Variants in HECW2 observed in about 807,000 individuals in gnomAD.
HECW2 encodes E3 ubiquitin-protein ligase HECW2.
Under a neutral mutation model 175.2 loss-of-function variants are expected in HECW2, and 61 were observed. The observed-to-expected ratio is 0.35, with a 90% CI of 0.28 to 0.43. The LOEUF (loss-of-function observed/expected upper bound fraction) is 0.43. HECW2 is among the 20% of genes least tolerant of loss of function. The pLI is 1.00. For missense variants in HECW2, 1,524 were observed against 2,000.5 expected, an observed-to-expected ratio of 0.76 and a Z score of 4.54; for synonymous variants, 671 against 731.0, an observed-to-expected ratio of 0.92 and a Z score of 1.32.
At chr2:196,471,623 T>C (rs944150939) in intron 1 of HECW2, among the ~76,000 whole-genome samples, 2 of 152,178 alleles carry the variant, frequency 1.3e-5, no homozygotes, top group Non-Finnish European at 2.9e-5. Context: ...CACCATGGAA[T>C]ACTAGGCAGC....
chr2:196,351,856 G>A (rs1693182558), intron 2 of HECW2, among the ~76,000 whole-genome samples: 2 of 152,198 alleles, frequency 1.3e-5, no homozygotes, highest in African/African-American at 4.8e-5. Flanking sequence ...GTTGAATCAA[G>A]ATTATCATTC....
intron 21 of HECW2, among the ~76,000 whole-genome samples, chr2:196,232,646 G>A (rs1228590597): frequency 2.0e-5 from 3 of 152,228 alleles, no homozygotes; most frequent in Non-Finnish European, 4.4e-5. Context: ...AAATCATCAA[G>A]TAAATTATGC....
At chr2:196,523,229 T>G (rs2125438598) in intron 1 of HECW2, among the ~76,000 whole-genome samples, 1 of 152,222 alleles carries the variant, frequency 6.6e-6, no homozygotes, top group Non-Finnish European at 1.5e-5. Flanking sequence ...TTTATTCTCT[T>G]TGAAGCAATT....
intron 19 of HECW2, among the ~76,000 whole-genome samples, chr2:196,246,447 A>G (rs1420334584): frequency 6.6e-6 from 1 of 152,024 alleles, no homozygotes; most frequent in Non-Finnish European, 1.5e-5. Context: ...GTGCAGTGGC[A>G]CGATCTCGGG....
At chr2:196,443,332 C>T (rs1696092859) in intron 1 of HECW2, among the ~76,000 whole-genome samples, 1 of 152,114 alleles carries the variant, frequency 6.6e-6, no homozygotes, top group African/African-American at 2.4e-5. Context: ...ATATCATAGA[C>T]CCTTAAATGT....
intron 21 of HECW2, among the ~76,000 whole-genome samples, chr2:196,229,472 C>A (rs986001302): frequency 2.0e-5 from 3 of 152,052 alleles, no homozygotes; most frequent in Non-Finnish European, 4.4e-5. Flanking sequence ...TAAGCCTGGG[C>A]AAGGAGTTTG....
chr2:196,293,754 T>TC (rs1311013446), intron 13 of HECW2, among the ~76,000 whole-genome samples: 1 of 152,184 alleles, frequency 6.6e-6, no homozygotes, highest in East Asian at 1.9e-4. Flanking sequence ...AGCCAGTTTC[T>TC]CCCCCAGTAT....
intron 2 of HECW2, among the ~76,000 whole-genome samples, chr2:196,369,999 G>C (rs537594281): frequency 4.9e-4 from 75 of 151,948 alleles, no homozygotes; most frequent in African/African-American, 1.8e-3. Flanking sequence ...ACACCAGTGG[G>C]GAGTGTCCTC....
At chr2:196,583,240 A>G (rs1690856421) in intron 1 of HECW2, among the ~76,000 whole-genome samples, 1 of 152,218 alleles carries the variant, frequency 6.6e-6, no homozygotes, top group African/African-American at 2.4e-5. Flanking sequence ...CTGCAGAGGT[A>G]TCTTCTGGCC....
chr2:196,378,340 C>A (rs997741459), intron 2 of HECW2, among the ~76,000 whole-genome samples: 2 of 152,086 alleles, frequency 1.3e-5, no homozygotes, highest in African/African-American at 4.8e-5. Flanking sequence ...GAAGCCACCA[C>A]AAATGGTTAC....
chr2:196,233,665 G>A (rs1024519128), intron 21 of HECW2, among the ~76,000 whole-genome samples: 1 of 152,138 alleles, frequency 6.6e-6, no homozygotes, highest in Non-Finnish European at 1.5e-5. Context: ...GTCTTACCAG[G>A]TGCTACCAAA....
At chr2:196,349,337 A>G (rs944152646) in intron 2 of HECW2, among the ~76,000 whole-genome samples, 2 of 152,208 alleles carry the variant, frequency 1.3e-5, no homozygotes. Flanking sequence ...GTTACTTCCT[A>G]GTGGAAATAT....
At chr2:196,558,041 C>T (rs1256995093) in intron 1 of HECW2, among the ~76,000 whole-genome samples, 5 of 152,126 alleles carry the variant, frequency 3.3e-5, no homozygotes, top group Admixed American at 3.3e-4. Flanking sequence ...AAGGTAGATA[C>T]TAATCCTATG....
At chr2:196,231,131 A>G (rs955666815) in intron 21 of HECW2, among the ~76,000 whole-genome samples, 16 of 149,400 alleles carry the variant, frequency 1.1e-4, no homozygotes, top group Non-Finnish European at 2.1e-4. Context: ...TTAACACTAG[A>G]CCATACTTTT....
intron 1 of HECW2, among the ~76,000 whole-genome samples, chr2:196,476,294 C>T (rs960759764): frequency 3.9e-5 from 6 of 151,946 alleles, no homozygotes; most frequent in African/African-American, 1.5e-4. Flanking sequence ...AAATACAAAA[C>T]TTAGCCGGGT....
rs542693631 is a variant in HECW2, at chr2:196,319,115, C to A, written c.1775G>T (p.Arg592Leu). 2.5e-6 allele frequency: 4 copies of A among 1,593,804 alleles called. No individual in the cohort carries two copies. The highest frequency in any genetic ancestry group is 3.4e-6 in the Non-Finnish European group (4 of 1,170,002). The change falls in exon 9 of 29, where the codon CGA becomes CTA. Residue 592 changes from arginine to leucine, a missense_variant. By Grantham distance (102) the Arg-to-Leu change is moderately radical (BLOSUM62 -2). Coordinates refer to ENST00000644978, the MANE Select transcript of HECW2 (RefSeq NM_001348768.2). ...TGTSDASGGS[R>L]RAVSETESLD... ...AGACTCGGTCTCACTGACGGCTCTTCGGCTTCCTCCTGATGCATCGGAAGT... is the reference window on the plus strand; with the variant it reads ...AGACTCGGTCTCACTGACGGCTCTTAGGCTTCCTCCTGATGCATCGGAAGT...
intron 2 of HECW2, among the ~76,000 whole-genome samples, chr2:196,374,127 T>C (rs1693985369): frequency 8.5e-5 from 13 of 152,094 alleles, no homozygotes; most frequent in Admixed American, 8.5e-4. Context: ...TCATAATAAT[T>C]AGAAGCTAAA....
At chr2:196,257,599 G>A (rs1363413607) in intron 18 of HECW2, 1 of 552,216 alleles carries the variant, frequency 1.8e-6, no homozygotes, top group Non-Finnish European at 3.2e-6. Context: ...CATCTCCCTT[G>A]CCAGCAGGGT....
At chr2:196,480,256 T>C (rs1337532245) in intron 1 of HECW2, among the ~76,000 whole-genome samples, 1 of 152,236 alleles carries the variant, frequency 6.6e-6, no homozygotes, top group Non-Finnish European at 1.5e-5. Context: ...GATTTCTTTC[T>C]CCTTTTATCT....
Sources: allele counts gnomAD v4.1 joint callset (sites outside exome capture counted in the v4.1 genomes callset), GRCh38; gene constraint gnomAD v4.1.1; transcripts MANE v1.5; gene names NCBI Gene and HGNC (gene_info 2026-07-23, HGNC 2026-07-21).